NRG1: variants seen among roughly 807,000 people sequenced by gnomAD.
The protein encoded by NRG1 is neuregulin 1, also known as pro-neuregulin-1, membrane-bound isoform.
In NRG1, 18 loss-of-function variants were observed where a neutral mutation model predicts 63.8. That is an observed-to-expected ratio of 0.28 (90% confidence interval 0.19 to 0.42). NRG1 has a LOEUF of 0.42. NRG1 is among the 10% of genes least tolerant of loss of function. The pLI, the probability that NRG1 is intolerant of heterozygous loss-of-function variation, is 1.00. For missense variants in NRG1, 762 were observed against 814.7 expected (o/e 0.94, Z 0.79); for synonymous variants, 302 against 301.3 (o/e 1.00, Z -0.02).
intron 1 of NRG1, among the ~76,000 whole-genome samples, chr8:31,898,145 T>A (rs1219919205): frequency 6.6e-6 from 1 of 152,150 alleles, no homozygotes; most frequent in African/African-American, 2.4e-5. Context: ...ATTGATGTCT[T>A]ATATCTCCCT....
At chr8:31,776,723 G>A (rs1195131887) in intron 1 of NRG1, among the ~76,000 whole-genome samples, 2 of 151,872 alleles carry the variant, frequency 1.3e-5, no homozygotes, top group East Asian at 1.9e-4. Context: ...GGTGTGTGAT[G>A]TTCCCCTTCC....
chr8:32,336,905 C>T lies in NRG1; in HGVS notation c.38-258923C>T, dbSNP rs573250149. Among the ~76,000 whole-genome samples the T allele has an allele frequency of 3.9e-5, 6 of 152,216 alleles. No homozygotes were observed. The South Asian group carries it at 1.0e-3, about 26-fold the overall frequency. ...GATTACAGGCATGAGCCACTGTGCC[C>T]GGCCTAGAGTGGACATTTTATTCTA... On this transcript the variant is annotated intron_variant, in intron 1 of 10. Coordinates refer to the NRG1 transcript ENST00000519301.
intron 1 of NRG1, among the ~76,000 whole-genome samples, chr8:32,205,972 G>A (rs1844021699): frequency 6.6e-6 from 1 of 151,866 alleles, no homozygotes; most frequent in African/African-American, 2.4e-5. Flanking sequence ...GCCATGTGTG[G>A]TGATGGATGT....
intron 1 of NRG1, among the ~76,000 whole-genome samples, chr8:31,934,437 T>TTTA (rs1465054973): frequency 4.1e-5 from 6 of 147,468 alleles, no homozygotes; most frequent in Admixed American, 1.4e-4. Flanking sequence ...TTTTTTTTTT[T>TTTA]TTTTTTAGTT....
chr8:32,194,220 C>G (rs1378346902), intron 1 of NRG1, among the ~76,000 whole-genome samples: 1 of 152,206 alleles, frequency 6.6e-6, no homozygotes, highest in Non-Finnish European at 1.5e-5. Context: ...CAGCTCCTCC[C>G]AGTTTAGCAG....
intron 1 of NRG1, among the ~76,000 whole-genome samples, chr8:32,184,175 A>G (rs1394500812): frequency 6.6e-6 from 1 of 152,132 alleles, no homozygotes; most frequent in Non-Finnish European, 1.5e-5. Flanking sequence ...ATATATGTGT[A>G]TAATATATTC....
At chr8:32,647,818 C>T (rs34918173) in intron 5 of NRG1, 1 of 1,613,906 alleles carries the variant, frequency 6.2e-7, no homozygotes, top group African/African-American at 1.3e-5. Flanking sequence ...GGGCTTCCGG[C>T]AGCAGAAGAC....
chr8:32,379,501 G>A (rs1002443348), intron 1 of NRG1, among the ~76,000 whole-genome samples: 4 of 152,124 alleles, frequency 2.6e-5, no homozygotes, highest in African/African-American at 7.2e-5. Context: ...TATATAACAG[G>A]GTTGTGACAA....
intron 7 of NRG1, among the ~76,000 whole-genome samples, chr8:32,745,670 T>TA (rs1827279214): frequency 1.8e-5 from 2 of 112,330 alleles, no homozygotes; most frequent in Non-Finnish European, 3.7e-5. Context: ...ATGTGGTGTG[T>TA]GGGGGGTGTG....
chr8:32,102,146 T>G (rs1284077752), intron 1 of NRG1, among the ~76,000 whole-genome samples: 1 of 152,162 alleles, frequency 6.6e-6, no homozygotes, highest in Non-Finnish European at 1.5e-5. Context: ...AATTGAAGAC[T>G]TTTTCTTTTG....
At chr8:32,631,262 T>C (rs948199386) in intron 5 of NRG1, among the ~76,000 whole-genome samples, 6 of 152,228 alleles carry the variant, frequency 3.9e-5, no homozygotes, top group Non-Finnish European at 8.8e-5. Flanking sequence ...TCTTTCTGTA[T>C]TGAGTGCAAA....
intron 1 of NRG1, among the ~76,000 whole-genome samples, chr8:32,452,849 T>C (rs1305604238): frequency 4.6e-5 from 7 of 152,208 alleles, no homozygotes; most frequent in Non-Finnish European, 1.0e-4. Flanking sequence ...AAATACCTTT[T>C]AGCTATCAAT....
chr8:32,249,116 T>G lies in NRG1; in HGVS notation c.38-346712T>G, dbSNP rs375533104. On this transcript the variant is annotated intron_variant, in intron 1 of 10. Transcript: ENST00000519301. ...CCTTTAAGAGATTCTATAACCTAAT[T>G]TAGCGACACCATCCTGAGGTAGGGA... Among the ~76,000 whole-genome samples the G allele has an allele frequency of 9.2e-3, 1,396 of 152,160 alleles. 32 individuals are homozygous for G. The highest frequency in any genetic ancestry group is 0.031 in the African/African-American group (1,301 of 41,544).
At chr8:32,036,877 A>C (rs1188095109) in intron 1 of NRG1, among the ~76,000 whole-genome samples, 2 of 152,162 alleles carry the variant, frequency 1.3e-5, no homozygotes, top group Non-Finnish European at 2.9e-5. Flanking sequence ...GGATTAGGAC[A>C]TACTTCTTTA....
At chr8:32,357,974 T>C (rs1176907531) in intron 1 of NRG1, among the ~76,000 whole-genome samples, 1 of 152,190 alleles carries the variant, frequency 6.6e-6, no homozygotes, top group African/African-American at 2.4e-5. Flanking sequence ...CCAATTAAAA[T>C]ACCGAATCTC....
intron 1 of NRG1, among the ~76,000 whole-genome samples, chr8:31,727,940 A>C (rs953602017): frequency 3.9e-5 from 6 of 152,194 alleles, no homozygotes; most frequent in African/African-American, 1.4e-4. Context: ...ATATTGTGAT[A>C]ACGCAGACAT....
At chr8:31,749,697 C>G (rs1359434376) in intron 1 of NRG1, among the ~76,000 whole-genome samples, 1 of 149,192 alleles carries the variant, frequency 6.7e-6, no homozygotes, top group Non-Finnish European at 1.5e-5. Flanking sequence ...GAAAAGGGGA[C>G]AAGAAACGGG....
chr8:31,990,928 A>T (rs1364188040), intron 1 of NRG1, among the ~76,000 whole-genome samples: 1 of 152,114 alleles, frequency 6.6e-6, no homozygotes, highest in Non-Finnish European at 1.5e-5. Context: ...CACCCATTTC[A>T]TACAGATAGT....
intron 1 of NRG1, among the ~76,000 whole-genome samples, chr8:32,052,991 T>G (rs930331967): frequency 2.6e-5 from 4 of 152,110 alleles, no homozygotes; most frequent in Admixed American, 2.6e-4. Flanking sequence ...CCACACATAC[T>G]CAGAAAACTG....
Sources: gnomAD v4.1 joint callset for allele counts (sites outside exome capture counted in the v4.1 genomes callset) on GRCh38, gnomAD v4.1.1 for gene constraint, MANE v1.5 for transcripts, NCBI Gene and HGNC (gene_info 2026-07-23, HGNC 2026-07-21) for gene names.